Variants in GABRG3 observed in about 807,000 individuals in gnomAD.
GABRG3 encodes the protein gamma-aminobutyric acid type A receptor subunit gamma3, also known as gamma-aminobutyric acid receptor subunit gamma-3.
GABRG3 carries 25 observed loss-of-function variants against 48.8 expected under a neutral mutation model. That is an observed-to-expected ratio of 0.51 (90% CI 0.37 to 0.72). GABRG3 has a LOEUF of 0.72. GABRG3 is among the 30% of genes least tolerant of loss of function. The pLI, the probability that GABRG3 is intolerant of heterozygous loss-of-function variation, is 0.00. For synonymous variants in GABRG3, 227 were observed against 217.6 expected (o/e 1.04, Z -0.38); for missense variants, 394 against 577.9 (o/e 0.68, Z 3.26).
chr15:27,232,683 G>T (rs1308413769), intron 3 of GABRG3, among the ~76,000 whole-genome samples: 1 of 152,158 alleles, frequency 6.6e-6, no homozygotes, highest in Non-Finnish European at 1.5e-5. Flanking sequence ...ACAAGGCCTG[G>T]CTGAAAAAGG....
chr15:26,980,636 G>A (rs983790803), intron 2 of GABRG3, among the ~76,000 whole-genome samples: 55 of 146,698 alleles, frequency 3.7e-4, no homozygotes, highest in African/African-American at 1.3e-3. Context: ...CTGAGATGGC[G>A]CCACTGCACT....
intron 3 of GABRG3, among the ~76,000 whole-genome samples, chr15:27,128,001 C>T (rs540978628): frequency 6.6e-6 from 1 of 152,246 alleles, no homozygotes; most frequent in Admixed American, 6.5e-5. Context: ...GAAATGTGAC[C>T]TGGGTATGGA....
intron 5 of GABRG3, among the ~76,000 whole-genome samples, chr15:27,433,899 C>T (rs1303709688): frequency 6.6e-6 from 1 of 152,128 alleles, no homozygotes; most frequent in African/African-American, 2.4e-5. Context: ...GTCCTGTTTA[C>T]AAACACTAAA....
At chr15:27,123,743 G>A (rs1011297379) in intron 3 of GABRG3, among the ~76,000 whole-genome samples, 5 of 152,120 alleles carry the variant, frequency 3.3e-5, no homozygotes, top group South Asian at 4.2e-4. Context: ...GCTCTCAAAC[G>A]CTTGGTGCTG....
At position 27,198,404 on chromosome 15, in the gene GABRG3, A is replaced by G. The variant is rs760200336; in HGVS notation, c.271-128405A>G. Among the ~76,000 whole-genome samples, 5 of 152,384 alleles carry G rather than the reference A, an allele frequency of 3.3e-5. No homozygotes were observed. In the South Asian group the frequency reaches 8.3e-4, roughly 25 times the overall value. ...AAAAACATATGAAAAAAAGATCATC[A>G]TCACTGGTCATTAGAGAAATGCAAA... On this transcript the variant is annotated intron_variant, in intron 3 of 9. Coordinates refer to ENST00000615808, the MANE Select transcript of GABRG3 (RefSeq NM_033223.5).
chr15:27,492,602 A>G (rs552773938), intron 6 of GABRG3, among the ~76,000 whole-genome samples: 1 of 152,236 alleles, frequency 6.6e-6, no homozygotes, highest in Non-Finnish European at 1.5e-5. Context: ...ATTCCAGGGA[A>G]TCAATCTTCA....
chr15:27,338,002 T>C (rs893827877), intron 5 of GABRG3, among the ~76,000 whole-genome samples: 1 of 152,170 alleles, frequency 6.6e-6, no homozygotes, highest in South Asian at 2.1e-4. Context: ...CTGTTATTAA[T>C]AGATAATTCA....
intron 5 of GABRG3, among the ~76,000 whole-genome samples, chr15:27,347,881 A>G (rs1394768695): frequency 6.6e-6 from 1 of 152,140 alleles, no homozygotes; most frequent in African/African-American, 2.4e-5. Flanking sequence ...CTGCCTCTGC[A>G]GATTTCAGGG....
chr15:27,187,613 G>A (rs1230445375), intron 3 of GABRG3, among the ~76,000 whole-genome samples: 1 of 152,010 alleles, frequency 6.6e-6, no homozygotes, highest in Non-Finnish European at 1.5e-5. Context: ...TCCTTGTAGA[G>A]CTCTATTACT....
chr15:27,192,255 A>G (rs1313784880), intron 3 of GABRG3, among the ~76,000 whole-genome samples: 1 of 151,938 alleles, frequency 6.6e-6, no homozygotes, highest in African/African-American at 2.4e-5. Flanking sequence ...GTATTTCCTG[A>G]ATCTGAACGT....
chr15:27,195,989 A>C (rs912449929), intron 3 of GABRG3, among the ~76,000 whole-genome samples: 1 of 152,104 alleles, frequency 6.6e-6, no homozygotes. Context: ...AAGATTTGGG[A>C]TATTATGAGA....
At chr15:27,307,111 A>T (rs1187284355) in intron 3 of GABRG3, among the ~76,000 whole-genome samples, 1 of 124,094 alleles carries the variant, frequency 8.1e-6, no homozygotes. Flanking sequence ...AAACATGTTT[A>T]TATATAAACA....
intron 3 of GABRG3, among the ~76,000 whole-genome samples, chr15:27,145,512 C>T (rs752304540): frequency 6.6e-6 from 1 of 151,902 alleles, no homozygotes; most frequent in Non-Finnish European, 1.5e-5. Flanking sequence ...CCAGTCTCAG[C>T]AACATAAATT....
chr15:27,126,560 T>G (rs1018277473), intron 3 of GABRG3, among the ~76,000 whole-genome samples: 2 of 152,174 alleles, frequency 1.3e-5, no homozygotes, highest in African/African-American at 4.8e-5. Flanking sequence ...GGGTTTTCCA[T>G]GGAAGCGATG....
At position 27,523,757 on chromosome 15, in the gene GABRG3, A is replaced by G. The variant is rs568174080; in HGVS notation, c.865+3633A>G. On this transcript the variant is annotated intron_variant, in intron 7 of 9. Coordinates refer to ENST00000615808, the MANE Select transcript of GABRG3 (RefSeq NM_033223.5). ...CTGGATGTGCTTAACAAAAGAAGAT[A>G]AGACAGAGGAAAGAATCAGTGAACC... Among the ~76,000 whole-genome samples the G allele has an allele frequency of 1.6e-3, 236 of 152,116 alleles. 2 individuals are homozygous for G. Among genetic ancestry groups the G allele is most frequent in the African/African-American group, 5.5e-3 (229 of 41,582 alleles).
intron 5 of GABRG3, among the ~76,000 whole-genome samples, chr15:27,427,011 A>T (rs1441944564): frequency 6.6e-6 from 1 of 152,124 alleles, no homozygotes; most frequent in Admixed American, 6.5e-5. Context: ...ACAACCAAAC[A>T]TCTGATGTTT....
At chr15:27,284,832 T>G (rs1165395102) in intron 3 of GABRG3, among the ~76,000 whole-genome samples, 3 of 152,214 alleles carry the variant, frequency 2.0e-5, no homozygotes, top group African/African-American at 7.2e-5. Context: ...TTCTAACAGC[T>G]TTGAGGAGAG....
chr15:27,388,159 A>T (rs752872755), intron 5 of GABRG3, among the ~76,000 whole-genome samples: 1 of 15,686 alleles, frequency 6.4e-5, no homozygotes, highest in African/African-American at 3.1e-4. Flanking sequence ...AGGAAGGAAG[A>T]AAGGAAGGAA....
chr15:27,238,495 A>G (rs1369696863), intron 3 of GABRG3, among the ~76,000 whole-genome samples: 6 of 152,208 alleles, frequency 3.9e-5, no homozygotes, highest in Admixed American at 3.9e-4. Flanking sequence ...ATAGATCTGG[A>G]TGAGAATCTT....
Sources: allele counts gnomAD v4.1 joint callset (sites outside exome capture counted in the v4.1 genomes callset), GRCh38; gene constraint gnomAD v4.1.1; transcripts MANE v1.5; gene names NCBI Gene and HGNC (gene_info 2026-07-23, HGNC 2026-07-21).